REPS1: variants seen among roughly 807,000 people sequenced by gnomAD.
REPS1 encodes the protein ralBP1-associated Eps domain-containing protein 1.
In REPS1, 39 loss-of-function variants were observed where a neutral mutation model predicts 100.9. The observed-to-expected ratio is 0.39, with a 90% CI of 0.30 to 0.50. The LOEUF is 0.50. Among genes scored for constraint, REPS1 ranks in the 20% least tolerant of loss-of-function variants. The pLI is 0.86. For missense variants in REPS1, 821 were observed against 968.5 expected, an observed-to-expected ratio of 0.85 and a Z score of 2.02; for synonymous variants, 324 against 340.3, an observed-to-expected ratio of 0.95 and a Z score of 0.53.
At chr6:138,943,003 C>T (rs1782368206) in intron 7 of REPS1, among the ~76,000 whole-genome samples, 1 of 152,188 alleles carries the variant, frequency 6.6e-6, no homozygotes, top group Non-Finnish European at 1.5e-5. Context: ...CTGCCTCGGC[C>T]TCCCAAAGTG....
intron 10 of REPS1, among the ~76,000 whole-genome samples, chr6:138,922,985 A>G (rs1211890526): frequency 6.6e-6 from 1 of 152,164 alleles, no homozygotes; most frequent in Non-Finnish European, 1.5e-5. Context: ...TATACTAACA[A>G]ATTCATTCAA....
intron 1 of REPS1, among the ~76,000 whole-genome samples, chr6:138,959,031 C>T (rs565514784): frequency 5.3e-5 from 8 of 152,246 alleles, no homozygotes; most frequent in South Asian, 4.1e-4. Flanking sequence ...GCCCAATAAA[C>T]GGCAGAGTTA....
chr6:138,938,263 G>GA lies in REPS1; in HGVS notation c.1135+3071dup, dbSNP rs1043218344. Among the ~76,000 whole-genome samples, 4 of 152,092 alleles carry GA rather than the reference G, an allele frequency of 2.6e-5. No individual in the cohort carries two copies. In the South Asian group the frequency reaches 6.2e-4, roughly 24 times the overall value. ...ATGCATACCTGTTCAAGCAATTTTG[G>GA]AAAAAATGCACATTTACCCCAACCA... On this transcript the variant is annotated intron_variant, in intron 8 of 19. Coordinates refer to ENST00000450536, the MANE Select transcript of REPS1 (RefSeq NM_001286611.2).
At chr6:138,947,664 C>T (rs1782729204) in intron 2 of REPS1, 126 bp downstream of exon 2, 1 of 800,348 alleles carries the variant, frequency 1.2e-6, no homozygotes, top group Non-Finnish European at 1.9e-6. Flanking sequence ...GGAATAAAGT[C>T]ACGACACTTC....
intron 1 of REPS1, among the ~76,000 whole-genome samples, chr6:138,964,670 A>G (rs1783917502): frequency 6.6e-6 from 1 of 152,074 alleles, no homozygotes; most frequent in Non-Finnish European, 1.5e-5. Context: ...TAAGTACGAG[A>G]TAAGAATTTC....
chr6:138,911,216 A>T (rs1157248760), intron 17 of REPS1, 60 bp downstream of exon 17: 2 of 1,159,308 alleles, frequency 1.7e-6, no homozygotes, highest in East Asian at 4.8e-5. Flanking sequence ...TTATTTCTAA[A>T]AATTATTTCA....
chr6:138,931,701 G>A (rs1781494629), intron 8 of REPS1, among the ~76,000 whole-genome samples: 2 of 151,730 alleles, frequency 1.3e-5, no homozygotes, highest in African/African-American at 4.8e-5. Context: ...TCTTAGAGAA[G>A]AACTTATGAA....
At chr6:138,983,887 C>T (rs990060994) in intron 1 of REPS1, among the ~76,000 whole-genome samples, 1 of 152,138 alleles carries the variant, frequency 6.6e-6, no homozygotes, top group Non-Finnish European at 1.5e-5. Context: ...ATCTGAATTG[C>T]CATCTAAGAA....
Position 138,987,733 on chromosome 6 carries a change from C to A in REPS1, c.-51G>T. 6.8e-7 allele frequency: 1 copy of A among 1,460,770 alleles called. No individual in the cohort carries two copies. The allele number at this position is 1,460,770 out of a possible 1,614,324, so 90.5% of individuals were successfully genotyped here. A position where few individuals can be genotyped will look rare whatever the true frequency, so the allele number is the denominator to read the frequency against. The stretch of plus-strand genomic sequence containing the variant: ...CGCCCCGCATGCACTACTCGGGGCC[C>A]GGCCCCAGGAACCTGGGCCGGCAGG... On this transcript the variant is annotated 5_prime_UTR_variant, in exon 1 of 20. Coordinates refer to ENST00000450536, the MANE Select transcript of REPS1 (RefSeq NM_001286611.2).
chr6:138,941,197 T>G, intron 8 of REPS1, 138 bp downstream of exon 8: 3 of 932,400 alleles, frequency 3.2e-6, no homozygotes, highest in Non-Finnish European at 4.9e-6. Context: ...CATCCTATTC[T>G]GATGACAAAT....
chr6:138,932,940 G>A (rs559692713), intron 8 of REPS1, among the ~76,000 whole-genome samples: 1 of 152,220 alleles, frequency 6.6e-6, no homozygotes, highest in East Asian at 1.9e-4. Context: ...AGCACTTAAA[G>A]GCTTGATATG....
intron 8 of REPS1, among the ~76,000 whole-genome samples, chr6:138,934,673 T>A (rs1229092623): frequency 6.6e-6 from 1 of 152,216 alleles, no homozygotes; most frequent in Non-Finnish European, 1.5e-5. Flanking sequence ...TAAAAAATTG[T>A]CTCGAAAGTG....
intron 2 of REPS1, 56 bp downstream of exon 2, chr6:138,947,734 C>T: frequency 2.1e-6 from 3 of 1,396,558 alleles, no homozygotes; most frequent in Non-Finnish European, 2.8e-6. Context: ...ATTGACTTGA[C>T]TTCATTTGTA....
chr6:138,957,316 T>C (rs1025817504), intron 1 of REPS1, among the ~76,000 whole-genome samples: 3 of 152,172 alleles, frequency 2.0e-5, no homozygotes, highest in African/African-American at 4.8e-5. Flanking sequence ...GTGTTAATCA[T>C]GTAAGAAATA....
chr6:138,947,510 A>C (rs1266738422), intron 2 of REPS1, among the ~76,000 whole-genome samples: 1 of 152,194 alleles, frequency 6.6e-6, no homozygotes. Context: ...AAATATTTCT[A>C]AACAACTTTT....
intron 17 of REPS1, among the ~76,000 whole-genome samples, chr6:138,909,849 G>T (rs1223519879): frequency 6.6e-6 from 1 of 152,032 alleles, no homozygotes; most frequent in African/African-American, 2.4e-5. Context: ...ATAGCAGTGT[G>T]AAAACAGACT....
At chr6:138,916,306 C>A in intron 13 of REPS1, 2 of 228,038 alleles carry the variant, frequency 8.8e-6, no homozygotes, top group Non-Finnish European at 1.7e-5. Context: ...CTGCAACCTC[C>A]GCCTCCTGGG....
intron 9 of REPS1, 151 bp downstream of exon 9, chr6:138,929,826 C>CA: frequency 5.6e-6 from 4 of 709,384 alleles, no homozygotes; most frequent in Non-Finnish European, 8.9e-6. Flanking sequence ...TCGAAAAAGT[C>CA]ACATAATTAC....
chr6:138,943,441 G>A, intron 7 of REPS1, 72 bp downstream of exon 7: 1 of 879,942 alleles, frequency 1.1e-6, no homozygotes. Context: ...ATTTTTTAAG[G>A]CTCTAAAATC....
Sources: allele counts gnomAD v4.1 joint callset (sites outside exome capture counted in the v4.1 genomes callset), GRCh38; gene constraint gnomAD v4.1.1; transcripts MANE v1.5; gene names NCBI Gene and HGNC (gene_info 2026-07-23, HGNC 2026-07-21).